The following MED13L variants were observed in gnomAD, a reference collection of about 807,000 sequenced individuals.
MED13L encodes mediator complex subunit 13L, also known as mediator of RNA polymerase II transcription subunit 13-like.
A neutral mutation model predicts 220.9 loss-of-function variants in MED13L; 7 were observed. That is an observed-to-expected ratio of 0.03 (90% confidence interval 0.02 to 0.06). The LOEUF (loss-of-function observed/expected upper bound fraction) is 0.06. Among genes scored for constraint, MED13L ranks in the 10% least tolerant of loss-of-function variants. The probability of loss-of-function intolerance (pLI) is 1.00; values close to 1 mark genes in which losing one functional copy is unlikely to be tolerated. For missense variants in MED13L, 1,965 were observed against 2,760.5 expected (o/e 0.71, Z 6.46); for synonymous variants, 1,011 against 1,015.2 (o/e 1.00, Z 0.08).
At chr12:116,270,957 G>A (rs754264290) in intron 1 of MED13L, among the ~76,000 whole-genome samples, 2 of 143,316 alleles carry the variant, frequency 1.4e-5, no homozygotes, top group Non-Finnish European at 1.5e-5. Flanking sequence ...CAGGAAAATC[G>A]CTTGAACCCA....
intron 4 of MED13L, among the ~76,000 whole-genome samples, chr12:116,026,583 T>C (rs971075793): frequency 7.9e-5 from 12 of 151,924 alleles, no homozygotes; most frequent in Non-Finnish European, 1.5e-4. Context: ...TCTGCATTTT[T>C]AACAAGTTCC....
At chr12:115,972,390 G>C (rs985346539) in intron 25 of MED13L, 154 bp from the exon 26 acceptor site, 34 of 845,298 alleles carry the variant, frequency 4.0e-5, no homozygotes, top group South Asian at 7.2e-5. Context: ...TTGCTATAGA[G>C]AATGTTACTC....
At chr12:115,984,071 C>T in intron 20 of MED13L, 109 bp downstream of exon 20, 1 of 1,219,914 alleles carries the variant, frequency 8.2e-7, no homozygotes, top group Non-Finnish European at 1.2e-6. Context: ...ACAAATACAG[C>T]ATTACTTGAG....
intron 19 of MED13L, 94 bp downstream of exon 19, chr12:115,986,172 T>C (rs1877676070): frequency 7.5e-7 from 1 of 1,328,250 alleles, no homozygotes; most frequent in African/African-American, 1.4e-5. Context: ...CTCTGAGATT[T>C]ACTTTCAAGA....
At chr12:116,073,648 A>C (rs979124518) in intron 4 of MED13L, among the ~76,000 whole-genome samples, 4 of 152,210 alleles carry the variant, frequency 2.6e-5, no homozygotes, top group African/African-American at 9.6e-5. Flanking sequence ...GAAAACCCAA[A>C]ATCTATTATT....
intron 2 of MED13L, among the ~76,000 whole-genome samples, chr12:116,117,493 T>C (rs757993669): frequency 5.5e-4 from 84 of 152,330 alleles, no homozygotes; most frequent in South Asian, 1.2e-3. Context: ...CATTTTACCA[T>C]TGGGCCAAGT....
intron 2 of MED13L, among the ~76,000 whole-genome samples, chr12:116,186,804 T>A (rs1267351014): frequency 6.6e-6 from 1 of 152,204 alleles, no homozygotes; most frequent in Non-Finnish European, 1.5e-5. Context: ...GATCCAATAA[T>A]AACTTTTATA....
At chr12:116,256,205 CAT>C (rs1239668483) in intron 1 of MED13L, among the ~76,000 whole-genome samples, 2 of 150,166 alleles carry the variant, frequency 1.3e-5, no homozygotes, top group Non-Finnish European at 3.0e-5. Flanking sequence ...GAAATAAAAA[CAT>C]ATGTCCCACA....
chr12:116,189,670 G>T (rs971509263), intron 2 of MED13L, among the ~76,000 whole-genome samples: 2 of 152,148 alleles, frequency 1.3e-5, no homozygotes, highest in Admixed American at 1.3e-4. Flanking sequence ...TTTGAGACAG[G>T]TCAGGAGACA....
At chr12:116,177,247 T>G (rs532202625) in intron 2 of MED13L, among the ~76,000 whole-genome samples, 17 of 152,204 alleles carry the variant, frequency 1.1e-4, no homozygotes, top group South Asian at 2.1e-4. Context: ...ACAGTAAGCG[T>G]ATACATGATC....
rs945105812 is a variant in MED13L at position 116,171,746 on chromosome 12, T to C, written c.311-60234A>G. On this transcript the variant is annotated intron_variant, in intron 2 of 30. Transcript: ENST00000281928. ...TAGCCTCGATACCATGTTAGCTTTA[T>C]TAGTCACATACCAAAACATCCAGCT... Among the ~76,000 whole-genome samples the C allele has an allele frequency of 3.3e-5, 5 of 152,198 alleles. 1 individual carries two copies.
chr12:115,983,019 A>T (rs982388604), intron 21 of MED13L, 98 bp downstream of exon 21: 36 of 1,327,984 alleles, frequency 2.7e-5, no homozygotes, highest in Non-Finnish European at 3.5e-5. Flanking sequence ...ACTTCATAGG[A>T]TTCACAGAAT....
rs113214439 is a variant in MED13L, at chr12:116,019,212, G to C, written c.1009+12C>G. 2,396 of 1,611,450 alleles carry C rather than the reference G, an allele frequency of 1.5e-3. 34 individuals are homozygous for C. The African/African-American group carries it at 0.028, about 19-fold the overall frequency. Reference sequence around the variant, plus strand: ...ATCTCTTCTCCCCAGGACACTCCTGGATCCTACTCACCTAGGATAGCCTGT... The same window carrying C: ...ATCTCTTCTCCCCAGGACACTCCTGCATCCTACTCACCTAGGATAGCCTGT... On this transcript the variant is annotated intron_variant, in intron 7 of 30. Transcript: ENST00000281928.
intron 2 of MED13L, among the ~76,000 whole-genome samples, chr12:116,127,154 A>G (rs905840166): frequency 3.9e-5 from 6 of 152,212 alleles, no homozygotes; most frequent in African/African-American, 1.4e-4. Context: ...TATCACTTTA[A>G]AAGACAGAGT....
intron 3 of MED13L, among the ~76,000 whole-genome samples, chr12:116,105,730 G>A (rs1322353609): frequency 6.6e-6 from 1 of 152,144 alleles, no homozygotes; most frequent in African/African-American, 2.4e-5. Flanking sequence ...TAATAGGTAT[G>A]GCAGACATAT....
chr12:116,053,613 ACC>A (rs1868694935), intron 4 of MED13L, among the ~76,000 whole-genome samples: 1 of 152,112 alleles, frequency 6.6e-6, no homozygotes, highest in African/African-American at 2.4e-5. Flanking sequence ...TTAAATTATT[ACC>A]CCTACTTTGA....
intron 2 of MED13L, among the ~76,000 whole-genome samples, chr12:116,132,227 C>T (rs1171862424): frequency 6.7e-6 from 1 of 150,294 alleles, no homozygotes; most frequent in African/African-American, 2.5e-5. Flanking sequence ...CTGCAGTGAG[C>T]CGAGATCGTG....
intron 4 of MED13L, among the ~76,000 whole-genome samples, chr12:116,048,942 C>T (rs909133572): frequency 3.9e-5 from 6 of 152,184 alleles, no homozygotes; most frequent in Non-Finnish European, 7.4e-5. Flanking sequence ...TCAGATCCTG[C>T]ATAATCATGA....
At chr12:116,238,740 A>G (rs1870332100) in intron 1 of MED13L, among the ~76,000 whole-genome samples, 1 of 152,228 alleles carries the variant, frequency 6.6e-6, no homozygotes, top group Admixed American at 6.5e-5. Flanking sequence ...AAAGCAATCA[A>G]TCACTATAAT....
Sources: gnomAD v4.1 joint callset for allele counts (sites outside exome capture counted in the v4.1 genomes callset) on GRCh38, gnomAD v4.1.1 for gene constraint, MANE v1.5 for transcripts, NCBI Gene and HGNC (gene_info 2026-07-23, HGNC 2026-07-21) for gene names.